PIK3C2G: variants seen among roughly 807,000 people sequenced by gnomAD.
The protein encoded by PIK3C2G is phosphatidylinositol-4-phosphate 3-kinase catalytic subunit type 2 gamma.
Under a neutral mutation model 181.1 loss-of-function variants are expected in PIK3C2G, and 168 were observed. That is an observed-to-expected ratio of 0.93 (90% CI 0.82 to 1.05). The LOEUF is 1.05. PIK3C2G is among the 50% of genes least tolerant of loss of function. The pLI is 0.00. For synonymous variants in PIK3C2G, 573 were observed against 592.2 expected, an observed-to-expected ratio of 0.97 and a Z score of 0.47; for missense variants, 1,869 against 1,732.8, an observed-to-expected ratio of 1.08 and a Z score of -1.40.
chr12:18,679,294 A>C, the PIK3C2G span, among the ~76,000 whole-genome samples: 1 of 152,064 alleles, frequency 6.6e-6, no homozygotes, highest in Non-Finnish European at 1.5e-5. Flanking sequence ...TCTTTTTAAA[A>C]AAATTTTGAT....
At chr12:18,298,666 T>G (rs528123578) in intron 5 of PIK3C2G, among the ~76,000 whole-genome samples, 7 of 151,894 alleles carry the variant, frequency 4.6e-5, no homozygotes, top group Non-Finnish European at 1.0e-4. Flanking sequence ...CTTCTAGAAG[T>G]TCTATAATTT....
intron 24 of PIK3C2G, among the ~76,000 whole-genome samples, chr12:18,512,168 T>G (rs1210327272): frequency 6.6e-6 from 1 of 152,058 alleles, no homozygotes; most frequent in Non-Finnish European, 1.5e-5. Flanking sequence ...TCCCGTTTGT[T>G]CAATGTATCT....
intron 16 of PIK3C2G, among the ~76,000 whole-genome samples, chr12:18,419,631 C>T (rs920394909): frequency 6.6e-6 from 1 of 152,138 alleles, no homozygotes; most frequent in African/African-American, 2.4e-5. Flanking sequence ...TGTGTCTGGA[C>T]CGCAGTTCTC....
chr12:18,306,534 C>G (rs986047267), intron 5 of PIK3C2G, among the ~76,000 whole-genome samples: 2 of 151,976 alleles, frequency 1.3e-5, no homozygotes, highest in Non-Finnish European at 2.9e-5. Context: ...ACTTTGAGCA[C>G]AAAATCCAGG....
At chr12:18,529,234 G>A (rs1310116675) in intron 24 of PIK3C2G, among the ~76,000 whole-genome samples, 1 of 151,998 alleles carries the variant, frequency 6.6e-6, no homozygotes, top group African/African-American at 2.4e-5. Flanking sequence ...ACTGCAAGAG[G>A]CATGCAAAAA....
intron 18 of PIK3C2G, among the ~76,000 whole-genome samples, chr12:18,484,487 C>T (rs1243271843): frequency 6.6e-6 from 1 of 152,084 alleles, no homozygotes; most frequent in Non-Finnish European, 1.5e-5. Flanking sequence ...TAGTTTTATA[C>T]TTGAGTTGTT....
At chr12:18,380,110 T>C in intron 13 of PIK3C2G, among the ~76,000 whole-genome samples, 1 of 152,118 alleles carries the variant, frequency 6.6e-6, no homozygotes, top group East Asian at 1.9e-4. Flanking sequence ...GCCTTCAACA[T>C]TATGTTTTGC....
intron 7 of PIK3C2G, among the ~76,000 whole-genome samples, chr12:18,324,016 C>T (rs1340043841): frequency 6.6e-6 from 1 of 151,790 alleles, no homozygotes; most frequent in East Asian, 1.9e-4. Flanking sequence ...GTCAGGAGAT[C>T]GAGACCATCC....
chr12:18,391,216 A>T lies in PIK3C2G; in HGVS notation c.2090A>T (p.His697Leu). ...LEEPLKECIKHIARLSQKQTP... is the reference protein window; with the variant it reads ...LEEPLKECIKLIARLSQKQTP... ...GAGCCACTAAAGGAGTGTATAAAAC[A>T]TATTGCCAGACTTTCACAGAAACAG... The change falls in exon 15 of 33, where the codon CAT becomes CTT. Residue 697 changes from histidine (H) to leucine (L), a missense_variant. By Grantham distance (99) the His-to-Leu change is moderately conservative (BLOSUM62 -3). Coordinates refer to ENST00000538779, the MANE Select transcript of PIK3C2G (RefSeq NM_001288772.2). The T allele has an allele frequency of 1.9e-6, 3 of 1,602,408 alleles. No individual in the cohort carries two copies. The highest frequency in any genetic ancestry group is 1.7e-5 in the Admixed American group (1 of 58,524).
intron 25 of PIK3C2G, among the ~76,000 whole-genome samples, chr12:18,539,995 C>CACAA (rs530439481): frequency 1.9e-3 from 295 of 151,502 alleles, no homozygotes; most frequent in African/African-American, 6.7e-3. Context: ...GTGTCTGTAC[C>CACAA]ACAAACAAAC....
At chr12:18,593,859 TC>T (rs1369707019) in intron 29 of PIK3C2G, among the ~76,000 whole-genome samples, 1 of 151,864 alleles carries the variant, frequency 6.6e-6, no homozygotes, top group East Asian at 1.9e-4. Context: ...TTAATTGTGT[TC>T]TAAAGAGAGA....
chr12:18,693,791 C>A, the PIK3C2G span: 6 of 1,513,494 alleles, frequency 4.0e-6, no homozygotes, highest in East Asian at 1.4e-4. Context: ...AACTTTGGAT[C>A]CAGCGCTTAT....
At chr12:18,428,297 A>C (rs1263511663) in intron 18 of PIK3C2G, among the ~76,000 whole-genome samples, 4 of 151,870 alleles carry the variant, frequency 2.6e-5, no homozygotes, top group Non-Finnish European at 4.4e-5. Flanking sequence ...ATGAAAAAAA[A>C]ATACTCAAAA....
At chr12:18,662,858 A>T in the PIK3C2G span, among the ~76,000 whole-genome samples, 1 of 152,106 alleles carries the variant, frequency 6.6e-6, no homozygotes, top group Non-Finnish European at 1.5e-5. Context: ...AATAAAAACC[A>T]AAGGAAATGA....
chr12:18,670,342 A>G, the PIK3C2G span, among the ~76,000 whole-genome samples: 1 of 152,240 alleles, frequency 6.6e-6, no homozygotes, highest in East Asian at 1.9e-4. Flanking sequence ...CAAAAATCAC[A>G]TTGTTGATTT....
At chr12:18,487,589 G>T (rs1235451302) in intron 18 of PIK3C2G, among the ~76,000 whole-genome samples, 1 of 152,068 alleles carries the variant, frequency 6.6e-6, no homozygotes, top group African/African-American at 2.4e-5. Flanking sequence ...CCATTTCAGT[G>T]TTTTAAGGGT....
chr12:18,486,508 A>G lies in PIK3C2G; in HGVS notation c.2505-1941A>G, dbSNP rs75317496. Among the ~76,000 whole-genome samples the G allele has an allele frequency of 6.6e-3, 1,001 of 152,230 alleles. 12 individuals carry two copies. Among genetic ancestry groups the G allele is most frequent in the African/African-American group, 0.023 (973 of 41,570 alleles). On this transcript the variant is annotated intron_variant, in intron 18 of 32. Coordinates refer to ENST00000538779, the MANE Select transcript of PIK3C2G (RefSeq NM_001288772.2). ...TAACTGAACAATTCTGACAGTCCCT[A>G]TAACCCCAACCCTAAAATATATTAT...
At chr12:18,363,073 T>C in intron 12 of PIK3C2G, 187 bp downstream of exon 12, 2 of 456,662 alleles carry the variant, frequency 4.4e-6, no homozygotes, top group Non-Finnish European at 7.6e-6. Flanking sequence ...AAAAGTCCAT[T>C]TAGAAACCTA....
chr12:18,243,200 G>C (rs867039492), upstream of PIK3C2G, among the ~76,000 whole-genome samples: 3 of 116,444 alleles, frequency 2.6e-5, no homozygotes, highest in African/African-American at 1.1e-4. Flanking sequence ...CTTTCTGTGT[G>C]TGTGTGTGTG....
Sources: gnomAD v4.1 joint callset for allele counts (sites outside exome capture counted in the v4.1 genomes callset) on GRCh38, gnomAD v4.1.1 for gene constraint, MANE v1.5 for transcripts, NCBI Gene and HGNC (gene_info 2026-07-23, HGNC 2026-07-21) for gene names.